LRP1B: variants seen among roughly 807,000 people sequenced by gnomAD.
LRP1B encodes low-density lipoprotein receptor-related protein 1B.
LRP1B carries 217 observed loss-of-function variants against 556.6 expected under a neutral mutation model. That is an observed-to-expected ratio of 0.39 (90% CI 0.35 to 0.44). The LOEUF (loss-of-function observed/expected upper bound fraction) is 0.44. Ranked by LOEUF, LRP1B falls within the 20% of genes least tolerant of loss-of-function variation. LRP1B has a pLI of 1.00. For missense variants in LRP1B, 5,053 were observed against 5,620.8 expected (o/e 0.90, Z 3.23); for synonymous variants, 2,047 against 1,865.8 (o/e 1.10, Z -2.50).
At chr2:140,287,321 ATAC>A (rs1457851659) in intron 84 of LRP1B, among the ~76,000 whole-genome samples, 2 of 151,854 alleles carry the variant, frequency 1.3e-5, no homozygotes, top group East Asian at 3.9e-4. Context: ...GAGTTGAAAA[ATAC>A]TAGCTTAATT....
intron 2 of LRP1B, among the ~76,000 whole-genome samples, chr2:141,698,697 A>G (rs1691827826): frequency 6.6e-6 from 1 of 151,676 alleles, no homozygotes; most frequent in South Asian, 2.1e-4. Flanking sequence ...AAATTACTCA[A>G]TAGCAACTGC....
intron 20 of LRP1B, among the ~76,000 whole-genome samples, chr2:140,946,064 C>T (rs1217743776): frequency 6.6e-6 from 1 of 152,102 alleles, no homozygotes; most frequent in Non-Finnish European, 1.5e-5. Flanking sequence ...AGACACTTCT[C>T]AGAAAGAAGA....
chr2:140,934,234 G>C (rs1434934947), intron 20 of LRP1B, among the ~76,000 whole-genome samples: 2 of 152,044 alleles, frequency 1.3e-5, no homozygotes, highest in Non-Finnish European at 2.9e-5. Context: ...TGATTTTGCT[G>C]AGTCTATAAC....
intron 11 of LRP1B, among the ~76,000 whole-genome samples, chr2:141,035,171 C>T (rs1698494504): frequency 6.7e-6 from 1 of 148,366 alleles, no homozygotes; most frequent in African/African-American, 2.5e-5. Flanking sequence ...CACATGGACA[C>T]AGGAAGGGGA....
chr2:141,450,238 A>G (rs542529532), intron 3 of LRP1B, among the ~76,000 whole-genome samples: 5 of 152,284 alleles, frequency 3.3e-5, no homozygotes, highest in African/African-American at 9.6e-5. Context: ...CCAAACACAC[A>G]TTTCATTAGT....
intron 35 of LRP1B, among the ~76,000 whole-genome samples, chr2:140,761,286 A>G (rs1007373791): frequency 6.6e-6 from 1 of 152,196 alleles, no homozygotes; most frequent in Admixed American, 6.5e-5. Flanking sequence ...CTGCCATCCG[A>G]GTTCACCCTT....
At chr2:141,441,472 TA>T (rs2105004291) in intron 3 of LRP1B, among the ~76,000 whole-genome samples, 1 of 152,332 alleles carries the variant, frequency 6.6e-6, no homozygotes, top group Non-Finnish European at 1.5e-5. Context: ...ACTTAAACCA[TA>T]AATACTTGTA....
At chr2:140,513,536 A>T (rs1217352187) in intron 51 of LRP1B, among the ~76,000 whole-genome samples, 3 of 151,812 alleles carry the variant, frequency 2.0e-5, no homozygotes, top group African/African-American at 7.3e-5. Context: ...ATCTTTCTAT[A>T]TTTGTCTGTT....
At chr2:141,276,299 T>TTC (rs1685281705) in intron 3 of LRP1B, among the ~76,000 whole-genome samples, 1 of 152,040 alleles carries the variant, frequency 6.6e-6, no homozygotes, top group South Asian at 2.1e-4. Context: ...TTTTACTTTT[T>TTC]TTTTTAGCTT....
chr2:140,452,005 A>T (rs1049503232), intron 62 of LRP1B, among the ~76,000 whole-genome samples: 2 of 152,292 alleles, frequency 1.3e-5, no homozygotes, highest in African/African-American at 4.8e-5. Flanking sequence ...TTAACTATCA[A>T]GTGGCAGATT....
chr2:141,762,084 T>A (rs1009642555), intron 2 of LRP1B, among the ~76,000 whole-genome samples: 3 of 152,092 alleles, frequency 2.0e-5, no homozygotes, highest in Non-Finnish European at 2.9e-5. Flanking sequence ...TGTCTTTTTT[T>A]TTTCTTTTAT....
chr2:141,498,526 G>A (rs191191115), intron 2 of LRP1B, among the ~76,000 whole-genome samples: 77 of 151,600 alleles, frequency 5.1e-4, no homozygotes, highest in South Asian at 1.7e-3. Context: ...ATAACTTTTC[G>A]CAATGGTACC....
intron 1 of LRP1B, among the ~76,000 whole-genome samples, chr2:142,101,845 C>T (rs1403864281): frequency 6.6e-6 from 1 of 151,866 alleles, no homozygotes; most frequent in Non-Finnish European, 1.5e-5. Flanking sequence ...ATGCCGTAGG[C>T]TCTGAAGGCA....
At chr2:140,791,115 A>G (rs1690104587) in intron 32 of LRP1B, among the ~76,000 whole-genome samples, 1 of 151,944 alleles carries the variant, frequency 6.6e-6, no homozygotes, top group Non-Finnish European at 1.5e-5. Context: ...TTAGCTTGGC[A>G]TAGTGGTGCA....
chr2:141,021,169 A>C (rs73962108), intron 11 of LRP1B, among the ~76,000 whole-genome samples: 5,052 of 152,132 alleles, frequency 0.033, 110 homozygotes, highest in African/African-American at 0.054. Context: ...GGAGCTCTGT[A>C]TTCACACACT....
intron 68 of LRP1B, among the ~76,000 whole-genome samples, chr2:140,374,569 G>A (rs1315937152): frequency 6.6e-6 from 1 of 152,172 alleles, no homozygotes; most frequent in Non-Finnish European, 1.5e-5. Flanking sequence ...ATAAGAAAGA[G>A]ATGTCATATG....
chr2:142,116,307 G>C (rs1707274955), intron 1 of LRP1B, among the ~76,000 whole-genome samples: 1 of 151,500 alleles, frequency 6.6e-6, no homozygotes, highest in Non-Finnish European at 1.5e-5. Flanking sequence ...GGTATACTGA[G>C]TAGGGCACAT....
chr2:140,661,181 T>A (rs1237199389), intron 41 of LRP1B, among the ~76,000 whole-genome samples: 1 of 152,140 alleles, frequency 6.6e-6, no homozygotes, highest in African/African-American at 2.4e-5. Context: ...TGTTTCTCAG[T>A]TTAGCCATTA....
intron 7 of LRP1B, among the ~76,000 whole-genome samples, chr2:141,065,258 A>G (rs937017316): frequency 5.9e-5 from 9 of 151,902 alleles, no homozygotes; most frequent in African/African-American, 2.2e-4. Flanking sequence ...CTCTATTCCT[A>G]AACACTTCAG....
Sources: allele counts gnomAD v4.1 joint callset (sites outside exome capture counted in the v4.1 genomes callset), GRCh38; gene constraint gnomAD v4.1.1; transcripts MANE v1.5; gene names NCBI Gene and HGNC (gene_info 2026-07-23, HGNC 2026-07-21).